The following ITGA11 variants were observed in gnomAD, a reference collection of about 807,000 sequenced individuals.
ITGA11 encodes integrin subunit alpha 11.
ITGA11 carries 97 observed loss-of-function variants against 141.9 expected under a neutral mutation model. The observed-to-expected ratio is 0.68, with a 90% confidence interval of 0.58 to 0.81. The LOEUF (loss-of-function observed/expected upper bound fraction) is 0.81, where lower values mean the gene tolerates loss of function less well. ITGA11 is among the 30% of genes least tolerant of loss of function. ITGA11 has a pLI of 0.00. For missense variants in ITGA11, 1,387 were observed against 1,559.2 expected (o/e 0.89, Z 1.86); for synonymous variants, 658 against 624.6 (o/e 1.05, Z -0.80).
At chr15:68,403,561 G>T (rs1220200510) in intron 1 of ITGA11, among the ~76,000 whole-genome samples, 1 of 152,122 alleles carries the variant, frequency 6.6e-6, no homozygotes, top group Non-Finnish European at 1.5e-5. Flanking sequence ...AGCAGATGCT[G>T]GCACCATGAT....
At chr15:68,431,235 C>T (rs1198162679) in intron 1 of ITGA11, among the ~76,000 whole-genome samples, 3 of 152,364 alleles carry the variant, frequency 2.0e-5, no homozygotes, top group Admixed American at 2.0e-4. Context: ...CCGGAGGTTC[C>T]TGCCGCGCCC....
Position 68,303,583 on chromosome 15 carries a change from C to T in ITGA11, c.3495+189G>A, listed in dbSNP as rs1481742685. ...TTTTCATCAGGTTCTCAAAGGCATC[C>T]ACAAACAGGTTAGAGCCATAGTCTG... is the stretch of plus-strand genomic sequence containing the variant. On this transcript the variant is annotated intron_variant, in intron 29 of 29. Coordinates refer to ENST00000315757, the MANE Select transcript of ITGA11 (RefSeq NM_001004439.2). This position sits in a 1 kb window ranked among gnomAD's most constrained non-coding sequence, Gnocchi z 5.3. 6.6e-6 allele frequency among the ~76,000 whole-genome samples: 1 copy of T among 151,972 alleles called. No individual in the cohort carries two copies. Among genetic ancestry groups the T allele is most frequent in the African/African-American group, 2.4e-5 (1 of 41,356 alleles).
intron 23 of ITGA11, 30 bp from the exon 24 acceptor site, chr15:68,312,893 A>C: frequency 6.6e-7 from 1 of 1,515,014 alleles, no homozygotes; most frequent in Non-Finnish European, 9.2e-7. Context: ...GGCTGTCGTG[A>C]GCTCAGTCAG....
chr15:68,415,733 C>T (rs1185915264), intron 1 of ITGA11, among the ~76,000 whole-genome samples: 1 of 152,176 alleles, frequency 6.6e-6, no homozygotes, highest in African/African-American at 2.4e-5. Context: ...AAGAACACAC[C>T]AGGAAGCAGA....
intron 12 of ITGA11, among the ~76,000 whole-genome samples, chr15:68,334,547 A>G (rs1329542840): frequency 1.3e-5 from 2 of 152,264 alleles, no homozygotes; most frequent in South Asian, 2.1e-4. Flanking sequence ...AGAAGGATAA[A>G]AAATTTAGAA....
In ITGA11 at chr15:68,335,569, T is replaced by C. The variant is rs117646774; in HGVS notation, c.1425+128A>G. The C allele has an allele frequency of 3.0e-3, 3,160 of 1,053,754 alleles. 63 individuals are homozygous for C. In the East Asian group the frequency reaches 0.05, roughly 17 times the overall value. The allele number at this position is 1,053,754 out of a possible 1,614,324, so 65.3% of individuals were successfully genotyped here. ...CCTGCCACTCCTGGCAGCATGAAGGTGGCTGGAGGAACATGACTGCCCTTT... is the reference window on the plus strand; with the variant it reads ...CCTGCCACTCCTGGCAGCATGAAGGCGGCTGGAGGAACATGACTGCCCTTT... On this transcript the variant is annotated intron_variant, in intron 12 of 29. Coordinates refer to ENST00000315757, the MANE Select transcript of ITGA11 (RefSeq NM_001004439.2). The surrounding 1 kb of genome is among the most constrained non-coding windows in gnomAD (Gnocchi z 4.9).
Position 68,401,353 on chromosome 15 carries a change from G to A in ITGA11, c.164+1565C>T, listed in dbSNP as rs542695257. On this transcript the variant is annotated intron_variant, in intron 2 of 29. Transcript: ENST00000315757. ...CCCTTTAACTCAGCAATTCTATCCC[G>A]GAGTAAAAACCCAATACAAGTGAAT... 3.9e-5 allele frequency among the ~76,000 whole-genome samples: 6 copies of A among 152,056 alleles called. No homozygotes were observed. In the East Asian group the frequency reaches 1.2e-3, roughly 29 times the overall value.
chr15:68,378,855 C>T (rs1339719341), intron 2 of ITGA11, among the ~76,000 whole-genome samples: 1 of 152,168 alleles, frequency 6.6e-6, no homozygotes, highest in Non-Finnish European at 1.5e-5. Flanking sequence ...TCATAATCAA[C>T]ATTTGGGTCT....
At chr15:68,413,354 T>G (rs1475948815) in intron 1 of ITGA11, among the ~76,000 whole-genome samples, 1 of 152,204 alleles carries the variant, frequency 6.6e-6, no homozygotes, top group Admixed American at 6.5e-5. Context: ...GTTAGTCCCC[T>G]CTATGGCCCT....
chr15:68,407,203 T>G (rs986351956), intron 1 of ITGA11, among the ~76,000 whole-genome samples: 1 of 151,464 alleles, frequency 6.6e-6, no homozygotes, highest in African/African-American at 2.4e-5. Flanking sequence ...CAAAGTGAGG[T>G]GCCCAGTGAG....
intron 5 of ITGA11, among the ~76,000 whole-genome samples, chr15:68,359,407 A>T (rs1369122008): frequency 6.6e-6 from 1 of 152,184 alleles, no homozygotes; most frequent in Non-Finnish European, 1.5e-5. Flanking sequence ...GCACTTTGGG[A>T]GTCCGAAGTG....
intron 14 of ITGA11, 149 bp downstream of exon 14, chr15:68,331,710 T>C: frequency 1.4e-6 from 1 of 705,114 alleles, no homozygotes; most frequent in Non-Finnish European, 2.4e-6. Flanking sequence ...AATTTCCACT[T>C]GGGGAAGCAT....
In ITGA11 at chr15:68,413,875, C is replaced by T. The variant is rs372153914; in HGVS notation, c.53-10846G>A. ...AGGAAGGGAAATCTCCAGGCAAAAA[C>T]GATAATATTTTGCATTCCCAAGCCA... On this transcript the variant is annotated intron_variant, in intron 1 of 29. Transcript: ENST00000315757. Among the ~76,000 whole-genome samples, 44 of 152,268 alleles carry T rather than the reference C, an allele frequency of 2.9e-4. 2 individuals are homozygous for T. The highest frequency in any genetic ancestry group is 1.1e-3 in the African/African-American group (44 of 41,558).
chr15:68,324,223 G>A lies in ITGA11; in HGVS notation c.2322+908C>T, dbSNP rs1034068805. Among the ~76,000 whole-genome samples the A allele has an allele frequency of 5.3e-5, 8 of 152,052 alleles. No individual in the cohort carries two copies. The highest frequency in any genetic ancestry group is 1.9e-4 in the African/African-American group (8 of 41,404). ...GTGGAGGGGCTGTGGGGGATGATGG[G>A]TGTGAATGAGAGAAGGGGAGGTTTT... On this transcript the variant is annotated intron_variant, in intron 18 of 29. Coordinates refer to ENST00000315757, the MANE Select transcript of ITGA11 (RefSeq NM_001004439.2). This position sits in a 1 kb window ranked among gnomAD's most constrained non-coding sequence, Gnocchi z 6.3.
intron 2 of ITGA11, among the ~76,000 whole-genome samples, chr15:68,373,984 G>A (rs1322444790): frequency 6.6e-6 from 1 of 152,162 alleles, no homozygotes; most frequent in Non-Finnish European, 1.5e-5. Context: ...GTAAGTCTGT[G>A]AGTTTTTAGG....
rs1380542436 is a variant in ITGA11 at position 68,299,577 on chromosome 15, G to A, written c.*3482C>T. On this transcript the variant is annotated 3_prime_UTR_variant, in exon 30 of 30. Transcript: ENST00000315757. ...GTCACCCAAGGCACATTTGGGTGGT[G>A]AGGAGACTGCTTCGTGGTGGTGAGG... 6.6e-6 allele frequency: 1 copy of A among 152,230 alleles called. No homozygotes were observed. Among genetic ancestry groups the A allele is most frequent in the East Asian group, 1.9e-4 (1 of 5,186 alleles). The allele number at this position is 152,230 out of a possible 1,614,324, so 9.4% of individuals were successfully genotyped here.
rs185201524 is a variant in ITGA11 at position 68,395,145 on chromosome 15, G to A, written c.164+7773C>T. Among the ~76,000 whole-genome samples the A allele has an allele frequency of 2.0e-5, 3 of 152,188 alleles. No individual in the cohort carries two copies. The East Asian group carries it at 5.8e-4, about 29-fold the overall frequency. On this transcript the variant is annotated intron_variant, in intron 2 of 29. Coordinates refer to ENST00000315757, the MANE Select transcript of ITGA11 (RefSeq NM_001004439.2). ...GAATAGCATCCACATCAACAAAAAG[G>A]ACATCTACACCAAAACCCCATCTGT...
intron 5 of ITGA11, among the ~76,000 whole-genome samples, chr15:68,360,408 A>G (rs1235531833): frequency 6.6e-6 from 1 of 152,144 alleles, no homozygotes; most frequent in African/African-American, 2.4e-5. Flanking sequence ...TACCTTGGGA[A>G]CAAACTGGTT....
intron 2 of ITGA11, among the ~76,000 whole-genome samples, chr15:68,379,213 C>T (rs1232603946): frequency 1.3e-5 from 2 of 152,244 alleles, no homozygotes. Context: ...GTCTCCTCAT[C>T]CCAAACTCTC....
Sources: allele counts gnomAD v4.1 joint callset (sites outside exome capture counted in the v4.1 genomes callset), GRCh38; gene constraint gnomAD v4.1.1; non-coding constraint Gnocchi (gnomAD v3.1); transcripts MANE v1.5; gene names NCBI Gene and HGNC (gene_info 2026-07-23, HGNC 2026-07-21).